PCDH15: variants seen among roughly 807,000 people sequenced by gnomAD.
The protein encoded by PCDH15 is protocadherin-15.
Under a neutral mutation model 178.5 loss-of-function variants are expected in PCDH15, and 129 were observed. That is an observed-to-expected ratio of 0.72 (90% confidence interval 0.63 to 0.84). The LOEUF is 0.84. Among genes scored for constraint, PCDH15 ranks in the 40% least tolerant of loss-of-function variants. PCDH15 has a pLI of 0.00. For missense variants in PCDH15, 2,230 were observed against 2,099.9 expected (o/e 1.06, Z -1.21); for synonymous variants, 800 against 732.0 (o/e 1.09, Z -1.50).
chr10:54,252,486 C>T (rs1313403071), intron 8 of PCDH15, among the ~76,000 whole-genome samples: 1 of 152,106 alleles, frequency 6.6e-6, no homozygotes, highest in Non-Finnish European at 1.5e-5. Flanking sequence ...CCTCACTATT[C>T]CCATTAAAAT....
At chr10:53,866,958 AT>A (rs2079506112) in intron 26 of PCDH15, 101 bp from the exon 27 acceptor site, 1 of 806,826 alleles carries the variant, frequency 1.2e-6, no homozygotes. Context: ...TTCTTATGTA[AT>A]AATAACACAA....
chr10:54,810,835 G>T (rs1021405535), intron 3 of PCDH15, among the ~76,000 whole-genome samples: 2 of 152,172 alleles, frequency 1.3e-5, no homozygotes, highest in African/African-American at 2.4e-5. Flanking sequence ...CAAAACATAG[G>T]CTAATTTTTG....
intron 3 of PCDH15, among the ~76,000 whole-genome samples, chr10:54,382,547 T>A (rs1360992680): frequency 6.6e-6 from 1 of 152,168 alleles, no homozygotes; most frequent in South Asian, 2.1e-4. Context: ...GAAAAGTCTA[T>A]GTTTCTATTT....
At chr10:54,042,801 G>C (rs891170850) in intron 18 of PCDH15, among the ~76,000 whole-genome samples, 2 of 152,142 alleles carry the variant, frequency 1.3e-5, no homozygotes, top group African/African-American at 4.8e-5. Context: ...TATCACTCTT[G>C]CTGTAGTGCA....
intron 1 of PCDH15, among the ~76,000 whole-genome samples, chr10:55,216,320 A>G (rs1840700966): frequency 6.6e-6 from 1 of 151,932 alleles, no homozygotes; most frequent in African/African-American, 2.4e-5. Flanking sequence ...GATATTTTCA[A>G]TTTCAATTAT....
chr10:54,661,539 T>C (rs989829177), intron 2 of PCDH15, among the ~76,000 whole-genome samples: 1 of 151,504 alleles, frequency 6.6e-6, no homozygotes, highest in African/African-American at 2.4e-5. Context: ...ACTCATAAAA[T>C]TATAAAAAAA....
chr10:54,913,792 G>T (rs146387144), intron 2 of PCDH15, among the ~76,000 whole-genome samples: 23 of 152,292 alleles, frequency 1.5e-4, no homozygotes, highest in African/African-American at 5.5e-4. Context: ...ATGAGAGATA[G>T]AGTCAAAAAA....
At chr10:54,454,569 A>G (rs1369239516) in intron 3 of PCDH15, among the ~76,000 whole-genome samples, 1 of 151,810 alleles carries the variant, frequency 6.6e-6, no homozygotes, top group Non-Finnish European at 1.5e-5. Context: ...TAATATTTTA[A>G]GAATACACAT....
At chr10:54,640,021 G>A (rs546340710) in intron 2 of PCDH15, among the ~76,000 whole-genome samples, 1 of 152,198 alleles carries the variant, frequency 6.6e-6, no homozygotes, top group Non-Finnish European at 1.5e-5. Context: ...GGAGGTCAAA[G>A]CTGTAGTGCA....
intron 2 of PCDH15, among the ~76,000 whole-genome samples, chr10:54,548,957 T>G (rs1590043838): frequency 1.2e-5 from 1 of 82,092 alleles, no homozygotes; most frequent in Admixed American, 1.1e-4. Flanking sequence ...TCTAGAAATG[T>G]GTCTATTTTG....
chr10:53,947,779 G>A (rs879043850), intron 23 of PCDH15, among the ~76,000 whole-genome samples: 6 of 152,266 alleles, frequency 3.9e-5, no homozygotes, highest in African/African-American at 1.2e-4. Flanking sequence ...CAAAGAATGC[G>A]TGCTTTCTGT....
chr10:55,012,281 T>C (rs1840062808), intron 2 of PCDH15, among the ~76,000 whole-genome samples: 1 of 152,084 alleles, frequency 6.6e-6, no homozygotes, highest in African/African-American at 2.4e-5. Context: ...ATATAAGTTT[T>C]GAGTATACAG....
chr10:54,121,103 C>A (rs10825241), intron 15 of PCDH15, among the ~76,000 whole-genome samples: 103,585 of 150,668 alleles, frequency 0.69, 35,999 homozygotes, highest in East Asian at 0.99. Flanking sequence ...TTCTTGGACC[C>A]CAGTGGAATG....
At chr10:54,828,723 G>A (rs1953173030) in intron 3 of PCDH15, among the ~76,000 whole-genome samples, 1 of 151,920 alleles carries the variant, frequency 6.6e-6, no homozygotes, top group South Asian at 2.1e-4. Flanking sequence ...ATACAACACT[G>A]AAACATGACA....
At chr10:54,102,956 A>T (rs1201287459) in intron 15 of PCDH15, among the ~76,000 whole-genome samples, 1 of 152,204 alleles carries the variant, frequency 6.6e-6, no homozygotes, top group East Asian at 1.9e-4. Flanking sequence ...AAAATGACTG[A>T]TAATTTCCCT....
intron 15 of PCDH15, among the ~76,000 whole-genome samples, chr10:54,101,072 A>G (rs577392811): frequency 6.6e-6 from 1 of 152,206 alleles, no homozygotes; most frequent in East Asian, 1.9e-4. Context: ...ACCTGGTAGG[A>G]GACAATTGAA....
chr10:54,324,482 G>T (rs1333085825), intron 7 of PCDH15, among the ~76,000 whole-genome samples: 4 of 152,076 alleles, frequency 2.6e-5, no homozygotes, highest in South Asian at 2.1e-4. Flanking sequence ...TTAAATTTAG[G>T]CCGGGCACAG....
intron 2 of PCDH15, among the ~76,000 whole-genome samples, chr10:54,576,176 T>C (rs2133694951): frequency 6.6e-6 from 1 of 152,350 alleles, no homozygotes; most frequent in East Asian, 1.9e-4. Context: ...TCTATATCTT[T>C]TGCTGATGTA....
At chr10:54,686,016 C>G (rs2094993323) in intron 1 of PCDH15, among the ~76,000 whole-genome samples, 1 of 150,474 alleles carries the variant, frequency 6.6e-6, no homozygotes, top group Non-Finnish European at 1.5e-5. Flanking sequence ...CATGGAAATC[C>G]AAATCCAAGG....
Sources: allele counts gnomAD v4.1 joint callset (sites outside exome capture counted in the v4.1 genomes callset), GRCh38; gene constraint gnomAD v4.1.1; transcripts MANE v1.5; gene names NCBI Gene and HGNC (gene_info 2026-07-23, HGNC 2026-07-21).